Variants in ABCA8 observed in about 807,000 individuals in gnomAD.
ABCA8 encodes ATP binding cassette subfamily A member 8, also known as ABC-type organic anion transporter ABCA8.
Under a neutral mutation model 192.3 loss-of-function variants are expected in ABCA8, and 177 were observed. The observed-to-expected ratio is 0.92, with a 90% CI of 0.81 to 1.04. The LOEUF is 1.04. Among genes scored for constraint, ABCA8 ranks in the 50% least tolerant of loss-of-function variants. The pLI is 0.00. For synonymous variants in ABCA8, 642 were observed against 690.2 expected (o/e 0.93, Z 1.09); for missense variants, 1,915 against 1,904.8 (o/e 1.01, Z -0.10).
intron 26 of ABCA8, among the ~76,000 whole-genome samples, chr17:68,886,064 A>G (rs2066452781): frequency 1.3e-5 from 2 of 152,316 alleles, no homozygotes; most frequent in South Asian, 2.1e-4. Context: ...TAGGGATAAC[A>G]GAAAGTGATA....
chr17:68,928,163 T>TA (rs1317842092), intron 9 of ABCA8, 100 bp from the exon 10 acceptor site: 19 of 967,482 alleles, frequency 2.0e-5, no homozygotes, highest in Non-Finnish European at 2.4e-5. Context: ...TATTGCCTCA[T>TA]ACTGAGAATA....
Position 68,918,203 on chromosome 17 carries a change from A to T in ABCA8, c.1909-18T>A, listed in dbSNP as rs752904220. On this transcript the variant is annotated intron_variant, in intron 15 of 39. Coordinates refer to ENST00000586539, the MANE Select transcript of ABCA8 (RefSeq NM_001288985.2). ...AGGAAAATCTATAAACGAGGAAAGT[A>T]TATAAGGCGGTTTTCCTCAAAGGTG... 3.1e-6 allele frequency: 5 copies of T among 1,613,100 alleles called. No individual in the cohort carries two copies. In the South Asian group the frequency reaches 3.3e-5, roughly 11 times the overall value.
At chr17:68,905,970 GT>G in intron 19 of ABCA8, 73 bp downstream of exon 19, 1 of 1,354,824 alleles carries the variant, frequency 7.4e-7, no homozygotes, top group Non-Finnish European at 9.9e-7. Flanking sequence ...CCCACATTTT[GT>G]AATCACATCT....
intron 9 of ABCA8, 94 bp from the exon 10 acceptor site, chr17:68,928,157 G>T: frequency 1.0e-6 from 1 of 1,004,560 alleles, no homozygotes; most frequent in Non-Finnish European, 1.4e-6. Context: ...ACTACTTATT[G>T]CCTCATACTG....
intron 21 of ABCA8, among the ~76,000 whole-genome samples, chr17:68,899,562 A>G (rs1238615214): frequency 1.3e-5 from 2 of 152,118 alleles, no homozygotes; most frequent in Non-Finnish European, 2.9e-5. Context: ...TATAACATTT[A>G]TAAACGTATA....
chr17:68,884,810 A>G (rs1461714432), intron 27 of ABCA8: 1 of 985,284 alleles, frequency 1.0e-6, no homozygotes, highest in Non-Finnish European at 1.2e-6. Flanking sequence ...AGGTATAGGT[A>G]TCAGTCAGCC....
At chr17:68,877,470 T>A in intron 33 of ABCA8, 49 bp downstream of exon 33, 1 of 1,513,318 alleles carries the variant, frequency 6.6e-7, no homozygotes. Context: ...ACTCTCAACC[T>A]CCTCCACCCC....
At chr17:68,952,545 T>C (rs2068597565) in intron 1 of ABCA8, among the ~76,000 whole-genome samples, 1 of 152,220 alleles carries the variant, frequency 6.6e-6, no homozygotes, top group Admixed American at 6.5e-5. Flanking sequence ...AAATGTCTAT[T>C]AACTTTGCCA....
chr17:68,884,037 G>A (rs961126249), intron 28 of ABCA8, among the ~76,000 whole-genome samples, 155 bp from the exon 29 acceptor site: 1 of 152,110 alleles, frequency 6.6e-6, no homozygotes, highest in African/African-American at 2.4e-5. Flanking sequence ...AAACTATCAA[G>A]TTCATTTTCA....
chr17:68,909,022 T>A (rs958501853), intron 17 of ABCA8, among the ~76,000 whole-genome samples: 4 of 152,326 alleles, frequency 2.6e-5, no homozygotes, highest in East Asian at 3.9e-4. Context: ...GCTATTTTTT[T>A]AGAAGTAGTG....
chr17:68,910,767 C>A (rs898990045), intron 17 of ABCA8, among the ~76,000 whole-genome samples: 1 of 152,164 alleles, frequency 6.6e-6, no homozygotes, highest in Non-Finnish European at 1.5e-5. Flanking sequence ...GAATAGGACA[C>A]CAGGCAGAGT....
chr17:68,870,524 T>C (rs1037273266), intron 37 of ABCA8, among the ~76,000 whole-genome samples: 5 of 152,212 alleles, frequency 3.3e-5, no homozygotes, highest in African/African-American at 1.2e-4. Flanking sequence ...CTCATATTCT[T>C]CTCTCCCCAG....
At chr17:68,883,101 A>G (rs551739446) in intron 29 of ABCA8, among the ~76,000 whole-genome samples, 1 of 152,320 alleles carries the variant, frequency 6.6e-6, no homozygotes, top group South Asian at 2.1e-4. Flanking sequence ...TCTTCAGAAT[A>G]TGTGGCATAT....
intron 1 of ABCA8, among the ~76,000 whole-genome samples, chr17:68,954,308 C>T (rs1341096224): frequency 6.6e-6 from 1 of 151,330 alleles, no homozygotes; most frequent in East Asian, 2.0e-4. Context: ...AGTTAATAGA[C>T]ATTGGCCAAG....
intron 35 of ABCA8, chr17:68,876,253 G>GT (rs2066201924): frequency 1.6e-6 from 1 of 640,020 alleles, no homozygotes. Flanking sequence ...CCTAACAATG[G>GT]TAATTCTTTC....
At chr17:68,878,538 A>T (rs2066263032) in intron 32 of ABCA8, 3 of 152,214 alleles carry the variant, frequency 2.0e-5, no homozygotes, top group Admixed American at 2.0e-4. Context: ...TGCATGGATT[A>T]AAAAAACTCA....
chr17:68,954,027 CT>C (rs4148014), intron 1 of ABCA8, among the ~76,000 whole-genome samples: 68,140 of 146,762 alleles, frequency 0.46, 15,959 homozygotes, highest in East Asian at 0.68. Flanking sequence ...GGAGGAATTT[CT>C]TTTTTTTTTT....
intron 17 of ABCA8, among the ~76,000 whole-genome samples, chr17:68,908,477 T>A (rs2067148691): frequency 6.6e-6 from 1 of 152,150 alleles, no homozygotes; most frequent in Non-Finnish European, 1.5e-5. Flanking sequence ...CATTGTCTAG[T>A]GCGGGCGTCA....
intron 37 of ABCA8, 102 bp from the exon 38 acceptor site, chr17:68,869,881 T>C: frequency 2.6e-6 from 2 of 779,130 alleles, no homozygotes; most frequent in Non-Finnish European, 4.4e-6. Flanking sequence ...AAAAATGGTG[T>C]TAGGAACATT....
Sources: gnomAD v4.1 joint callset for allele counts (sites outside exome capture counted in the v4.1 genomes callset) on GRCh38, gnomAD v4.1.1 for gene constraint, MANE v1.5 for transcripts, NCBI Gene and HGNC (gene_info 2026-07-23, HGNC 2026-07-21) for gene names.